ARID4B: variants seen among roughly 807,000 people sequenced by gnomAD.
ARID4B encodes AT-rich interactive domain-containing protein 4B.
A neutral mutation model predicts 147.5 loss-of-function variants in ARID4B; 26 were observed. That is an observed-to-expected ratio of 0.18 (90% CI 0.13 to 0.24). The LOEUF (loss-of-function observed/expected upper bound fraction) is 0.24. ARID4B is among the 10% of genes least tolerant of loss of function. The pLI is 1.00. For missense variants in ARID4B, 1,179 were observed against 1,511.5 expected (o/e 0.78, Z 3.65); for synonymous variants, 512 against 507.9 (o/e 1.01, Z -0.11).
intron 8 of ARID4B, among the ~76,000 whole-genome samples, chr1:235,238,982 T>C (rs74788995): frequency 1.5e-5 from 2 of 137,104 alleles, no homozygotes; most frequent in Non-Finnish European, 3.1e-5. Flanking sequence ...TCTTTTTTTT[T>C]CTTCTTTTTT....
At position 235,224,972 on chromosome 1, in the gene ARID4B, G is replaced by A. The variant is rs1667730629; in HGVS notation, c.898-197C>T. 2.0e-5 allele frequency among the ~76,000 whole-genome samples: 3 copies of A among 152,168 alleles called. No homozygotes were observed. In the South Asian group the frequency reaches 6.2e-4, roughly 31 times the overall value. Reference sequence around the variant, plus strand: ...CATTTTATGTTTTATAGAGGAATATGCCTTAAAAAGTATCCCAATAGTTAG... The same window carrying A: ...CATTTTATGTTTTATAGAGGAATATACCTTAAAAAGTATCCCAATAGTTAG... On this transcript the variant is annotated intron_variant, in intron 11 of 23. Coordinates refer to ENST00000264183, the MANE Select transcript of ARID4B (RefSeq NM_016374.6).
At chr1:235,243,720 AT>A (rs1019217278) in intron 7 of ARID4B, among the ~76,000 whole-genome samples, 19 of 152,244 alleles carry the variant, frequency 1.2e-4, no homozygotes, top group Non-Finnish European at 2.2e-4. Flanking sequence ...AATTCTGATT[AT>A]TTTTTATTTT....
chr1:235,201,826 G>C (rs1165159280), intron 17 of ARID4B, among the ~76,000 whole-genome samples: 1 of 151,998 alleles, frequency 6.6e-6, no homozygotes. Flanking sequence ...AGAGGTTGCA[G>C]TGAGCCAAGA....
rs1415965920 is a variant in ARID4B at position 235,224,746 on chromosome 1, C to T, written c.927G>A (p.Arg309=). The change falls in exon 12 of 24, where the codon AGG becomes AGA. Residue 309 remains arginine, a synonymous_variant. Coordinates refer to ENST00000264183, the MANE Select transcript of ARID4B (RefSeq NM_016374.6). ...TGTACAATTGCTGAAGAAAGTTCTCCCTTTCTTCTGGAAATGGTTCTATTT... is the reference window on the plus strand; with the variant it reads ...TGTACAATTGCTGAAGAAAGTTCTCTCTTTCTTCTGGAAATGGTTCTATTT... ...EEEIEPFPEE[R]ENFLQQLYKF... 4.4e-6 allele frequency: 7 copies of T among 1,598,306 alleles called. No homozygotes were observed. Among genetic ancestry groups the T allele is most frequent in the Non-Finnish European group, 5.1e-6 (6 of 1,168,362 alleles).
chr1:235,275,013 G>GTGTGTC (rs1420113811), intron 2 of ARID4B, among the ~76,000 whole-genome samples: 1 of 151,986 alleles, frequency 6.6e-6, no homozygotes, highest in African/African-American at 2.4e-5. Context: ...GTGTGTGTGT[G>GTGTGTC]TGTGTGTGTG....
intron 13 of ARID4B, 113 bp from the exon 14 acceptor site, chr1:235,221,775 A>G (rs1488948115): frequency 4.5e-6 from 2 of 441,888 alleles, no homozygotes; most frequent in African/African-American, 2.0e-5. Context: ...CCTAGACTCA[A>G]AAGAATTTTT....
chr1:235,295,198 C>G (rs1218317408), intron 2 of ARID4B, among the ~76,000 whole-genome samples: 1 of 152,052 alleles, frequency 6.6e-6, no homozygotes, highest in Non-Finnish European at 1.5e-5. Context: ...TAGGAACCAA[C>G]ATTTTTAGCA....
intron 6 of ARID4B, among the ~76,000 whole-genome samples, chr1:235,251,073 T>G (rs907001687): frequency 3.3e-5 from 5 of 152,160 alleles, no homozygotes; most frequent in African/African-American, 1.2e-4. Context: ...CTGTATTTAT[T>G]GTATGTAAAC....
intron 2 of ARID4B, among the ~76,000 whole-genome samples, chr1:235,296,942 C>T (rs958768154): frequency 6.6e-6 from 1 of 151,836 alleles, no homozygotes; most frequent in African/African-American, 2.4e-5. Context: ...ACCCTTAACA[C>T]CCTGATTGTG....
chr1:235,172,835 C>T (rs890010028), intron 22 of ARID4B, 71 bp from the exon 23 acceptor site: 6 of 1,238,264 alleles, frequency 4.8e-6, no homozygotes, highest in Non-Finnish European at 6.5e-6. Flanking sequence ...GAGAGAACAT[C>T]GAGCATGGCT....
chr1:235,169,858 C>T (rs1420765929), intron 23 of ARID4B, among the ~76,000 whole-genome samples: 1 of 152,088 alleles, frequency 6.6e-6, no homozygotes, highest in African/African-American at 2.4e-5. Context: ...GATGGGGTTT[C>T]GTCATGTTGG....
intron 13 of ARID4B, among the ~76,000 whole-genome samples, 174 bp from the exon 14 acceptor site, chr1:235,221,836 C>G (rs1667483741): frequency 7.0e-6 from 1 of 142,650 alleles, no homozygotes; most frequent in Non-Finnish European, 1.5e-5. Flanking sequence ...TTTTAGTACT[C>G]TAACAAATAT....
intron 6 of ARID4B, among the ~76,000 whole-genome samples, chr1:235,247,763 T>A (rs1031452391): frequency 8.6e-5 from 13 of 151,998 alleles, no homozygotes; most frequent in African/African-American, 2.9e-4. Context: ...CCGAGGCAGG[T>A]GGAATACCTG....
chr1:235,194,398 G>A (rs772250579), intron 18 of ARID4B, among the ~76,000 whole-genome samples, 187 bp from the exon 19 acceptor site: 1 of 152,104 alleles, frequency 6.6e-6, no homozygotes, highest in Non-Finnish European at 1.5e-5. Context: ...TACACAGGAT[G>A]ATCAAAAGGT....
chr1:235,170,930 A>AAAAAAG (rs1558162128), intron 23 of ARID4B, among the ~76,000 whole-genome samples: 1 of 150,132 alleles, frequency 6.7e-6, no homozygotes. Flanking sequence ...AAAAAAAAAA[A>AAAAAAG]AAAACCACAC....
chr1:235,227,926 G>A (rs891107658), intron 11 of ARID4B, among the ~76,000 whole-genome samples: 2 of 149,800 alleles, frequency 1.3e-5, no homozygotes, highest in Non-Finnish European at 3.0e-5. Flanking sequence ...TCCGCCTCCC[G>A]GGTTCAAGCA....
At chr1:235,183,216 T>TC (rs1419629826) in intron 19 of ARID4B, among the ~76,000 whole-genome samples, 1 of 151,864 alleles carries the variant, frequency 6.6e-6, no homozygotes, top group Non-Finnish European at 1.5e-5. Context: ...TTAATATTCT[T>TC]CTTTTTTTTT....
At chr1:235,255,267 A>ATCTATGTATCTATCTATC (rs772853750) in intron 5 of ARID4B, among the ~76,000 whole-genome samples, 1 of 137,154 alleles carries the variant, frequency 7.3e-6, no homozygotes. Context: ...AGATAGATAT[A>ATCTATGTATCTATCTATC]TATCTCTCTC....
At chr1:235,226,970 G>A (rs529141870) in intron 11 of ARID4B, among the ~76,000 whole-genome samples, 108 of 152,280 alleles carry the variant, frequency 7.1e-4, no homozygotes, top group African/African-American at 2.3e-3. Flanking sequence ...TGCCTGCCAG[G>A]AGCAGTAGTA....
Sources: allele counts gnomAD v4.1 joint callset (sites outside exome capture counted in the v4.1 genomes callset), GRCh38; gene constraint gnomAD v4.1.1; transcripts MANE v1.5; gene names NCBI Gene and HGNC (gene_info 2026-07-23, HGNC 2026-07-21).